The following CYP7B1 variants were observed in gnomAD, a reference collection of about 807,000 sequenced individuals.
CYP7B1 encodes the protein cytochrome P450 7B1.
A neutral mutation model predicts 42.7 loss-of-function variants in CYP7B1; 29 were observed. The ratio of observed to expected loss-of-function variants is 0.68; its 90% CI spans 0.51 to 0.93. The LOEUF (loss-of-function observed/expected upper bound fraction) is 0.93, where lower values mean the gene tolerates loss of function less well. Among genes scored for constraint, CYP7B1 ranks in the 40% least tolerant of loss-of-function variants. CYP7B1 has a pLI of 0.00. For synonymous variants in CYP7B1, 235 were observed against 218.2 expected, an observed-to-expected ratio of 1.08 and a Z score of -0.68; for missense variants, 655 against 600.5, an observed-to-expected ratio of 1.09 and a Z score of -0.95.
intron 1 of CYP7B1, among the ~76,000 whole-genome samples, chr8:64,746,552 A>G (rs1807645913): frequency 6.6e-6 from 1 of 152,236 alleles, no homozygotes; most frequent in South Asian, 2.1e-4. Context: ...TAACTGTTAT[A>G]TGTGTCTATG....
intron 1 of CYP7B1, among the ~76,000 whole-genome samples, chr8:64,763,604 G>A (rs184104721): frequency 3.3e-5 from 5 of 152,272 alleles, no homozygotes; most frequent in East Asian, 3.9e-4. Context: ...CACGGCTGCC[G>A]GACTTAAGAC....
At chr8:64,785,133 G>C (rs776434648) in intron 1 of CYP7B1, among the ~76,000 whole-genome samples, 17 of 152,046 alleles carry the variant, frequency 1.1e-4, no homozygotes, top group Non-Finnish European at 2.4e-4. Context: ...TGTTATCAGG[G>C]AACTGAAAAT....
intron 1 of CYP7B1, among the ~76,000 whole-genome samples, chr8:64,731,687 C>T (rs892969281): frequency 6.6e-6 from 1 of 152,198 alleles, no homozygotes; most frequent in African/African-American, 2.4e-5. Flanking sequence ...CGGAGACCTT[C>T]ACAGCAGCCC....
intron 1 of CYP7B1, among the ~76,000 whole-genome samples, chr8:64,761,950 T>C (rs1055335427): frequency 6.6e-6 from 1 of 152,092 alleles, no homozygotes; most frequent in African/African-American, 2.4e-5. Flanking sequence ...CCATGGTGAG[T>C]AGAAATGCAA....
chr8:64,753,005 C>T (rs1284267534), intron 1 of CYP7B1, among the ~76,000 whole-genome samples: 2 of 152,034 alleles, frequency 1.3e-5, no homozygotes, highest in African/African-American at 4.8e-5. Context: ...ACACAATTAA[C>T]AATCTGAAAA....
chr8:64,773,823 G>A (rs1019273823), intron 1 of CYP7B1, among the ~76,000 whole-genome samples: 1 of 152,214 alleles, frequency 6.6e-6, no homozygotes, highest in Admixed American at 6.5e-5. Flanking sequence ...GAAAGCCAGA[G>A]AGAGCTCACT....
At chr8:64,618,129 A>G (rs1805473965) in intron 2 of CYP7B1, among the ~76,000 whole-genome samples, 1 of 151,254 alleles carries the variant, frequency 6.6e-6, no homozygotes, top group Non-Finnish European at 1.5e-5. Flanking sequence ...GGCATATTTT[A>G]TGACACCTGC....
chr8:64,718,100 T>C (rs886480312), intron 1 of CYP7B1, among the ~76,000 whole-genome samples: 14 of 152,038 alleles, frequency 9.2e-5, no homozygotes, highest in African/African-American at 2.9e-4. Context: ...ATTTATGTAA[T>C]ATATGTTGGT....
At chr8:64,788,204 A>G (rs1329283087) in intron 1 of CYP7B1, among the ~76,000 whole-genome samples, 1 of 152,232 alleles carries the variant, frequency 6.6e-6, no homozygotes, top group East Asian at 1.9e-4. Flanking sequence ...ATCAATATTG[A>G]CTTCTCAATT....
At chr8:64,726,910 G>A (rs1028582494) in intron 1 of CYP7B1, among the ~76,000 whole-genome samples, 1 of 152,124 alleles carries the variant, frequency 6.6e-6, no homozygotes, top group Non-Finnish European at 1.5e-5. Flanking sequence ...GGCTGATGGA[G>A]CCACTTTGTG....
chr8:64,697,231 T>C (rs1806842206), intron 1 of CYP7B1, among the ~76,000 whole-genome samples: 1 of 152,202 alleles, frequency 6.6e-6, no homozygotes, highest in South Asian at 2.1e-4. Context: ...CCTGAGAGTT[T>C]TGGCATTTGA....
chr8:64,755,915 G>A (rs1487040085), intron 1 of CYP7B1, among the ~76,000 whole-genome samples: 1 of 152,110 alleles, frequency 6.6e-6, no homozygotes, highest in East Asian at 1.9e-4. Context: ...CAAATCAGTT[G>A]CAAATATTTA....
At chr8:64,683,760 G>C (rs528039659) in intron 1 of CYP7B1, among the ~76,000 whole-genome samples, 2 of 151,940 alleles carry the variant, frequency 1.3e-5, no homozygotes, top group Non-Finnish European at 2.9e-5. Flanking sequence ...AAAATAAACA[G>C]TGTATTCTCC....
intron 1 of CYP7B1, among the ~76,000 whole-genome samples, chr8:64,679,181 T>TATTC (rs757917504): frequency 1.4e-4 from 21 of 152,198 alleles, no homozygotes; most frequent in East Asian, 3.9e-4. Context: ...ACATTTCATA[T>TATTC]ATTCATTCAT....
At chr8:64,774,681 T>A (rs1418902540) in intron 1 of CYP7B1, among the ~76,000 whole-genome samples, 1 of 152,316 alleles carries the variant, frequency 6.6e-6, no homozygotes, top group African/African-American at 2.4e-5. Context: ...ACCCCCTTAG[T>A]GGCAGAAATC....
intron 1 of CYP7B1, among the ~76,000 whole-genome samples, chr8:64,705,514 T>C (rs911685081): frequency 1.5e-4 from 23 of 150,574 alleles, no homozygotes; most frequent in African/African-American, 5.6e-4. Context: ...GCAAAGTCCA[T>C]GCCAAAAAAA....
At chr8:64,728,910 G>C (rs1807366652) in intron 1 of CYP7B1, 1 of 152,208 alleles carries the variant, frequency 6.6e-6, no homozygotes, top group Admixed American at 6.5e-5. Flanking sequence ...TATAATCCCA[G>C]CACTTTTGGA....
chr8:64,793,521 T>G (rs117451785), intron 1 of CYP7B1, among the ~76,000 whole-genome samples: 2,643 of 152,222 alleles, frequency 0.017, 28 homozygotes, highest in Middle Eastern at 0.027. Context: ...CCTAAGTCTA[T>G]TATGATACAC....
At chr8:64,740,176 T>C (rs1807547678) in intron 1 of CYP7B1, among the ~76,000 whole-genome samples, 1 of 152,098 alleles carries the variant, frequency 6.6e-6, no homozygotes, top group Non-Finnish European at 1.5e-5. Flanking sequence ...CATCCTGGGC[T>C]GTAAGTCACA....
Sources: allele counts gnomAD v4.1 joint callset (sites outside exome capture counted in the v4.1 genomes callset), GRCh38; gene constraint gnomAD v4.1.1; transcripts MANE v1.5; gene names NCBI Gene and HGNC (gene_info 2026-07-23, HGNC 2026-07-21).